FHIT: variants seen among roughly 807,000 people sequenced by gnomAD.
FHIT encodes the protein fragile histidine triad diadenosine triphosphatase.
Under a neutral mutation model 17.9 loss-of-function variants are expected in FHIT, and 19 were observed. The observed-to-expected ratio is 1.06, with a 90% CI of 0.74 to 1.56. FHIT has a LOEUF of 1.56. Ranked by LOEUF, FHIT falls within the 40% of genes most tolerant of loss-of-function variation. The pLI is 0.00. For synonymous variants in FHIT, 81 were observed against 69.7 expected (o/e 1.16, Z -0.81); for missense variants, 248 against 189.2 (o/e 1.31, Z -1.82).
At chr3:60,465,091 T>G (rs955122772) in intron 5 of FHIT, among the ~76,000 whole-genome samples, 2 of 151,992 alleles carry the variant, frequency 1.3e-5, no homozygotes, top group African/African-American at 4.8e-5. Context: ...ACTGGGATAT[T>G]ACTGTAGTTT....
intron 5 of FHIT, among the ~76,000 whole-genome samples, chr3:60,506,776 G>C (rs1300718341): frequency 6.6e-6 from 1 of 151,436 alleles, no homozygotes; most frequent in Admixed American, 6.6e-5. Flanking sequence ...CAATGGAGCA[G>C]ACCCAAAGCC....
At chr3:61,233,753 G>A (rs2040162477) in intron 1 of FHIT, among the ~76,000 whole-genome samples, 1 of 152,136 alleles carries the variant, frequency 6.6e-6, no homozygotes, top group African/African-American at 2.4e-5. Context: ...GATCAAGAAT[G>A]TGTCTCATTC....
chr3:60,425,910 A>T (rs1032789349), intron 5 of FHIT, among the ~76,000 whole-genome samples: 2 of 152,142 alleles, frequency 1.3e-5, no homozygotes, highest in African/African-American at 2.4e-5. Context: ...AGTGTTATGG[A>T]AATATGTCCT....
chr3:60,717,947 T>A (rs2041724679), intron 4 of FHIT, among the ~76,000 whole-genome samples: 1 of 152,134 alleles, frequency 6.6e-6, no homozygotes, highest in South Asian at 2.1e-4. Context: ...TTGGACAGAG[T>A]CTATTCAACA....
intron 3 of FHIT, among the ~76,000 whole-genome samples, chr3:61,037,380 T>A (rs2033309513): frequency 6.6e-6 from 1 of 152,064 alleles, no homozygotes; most frequent in Non-Finnish European, 1.5e-5. Context: ...GCAAGAAAAA[T>A]AATAGTGTTT....
At chr3:60,692,684 G>C (rs2041020501) in intron 4 of FHIT, among the ~76,000 whole-genome samples, 1 of 152,112 alleles carries the variant, frequency 6.6e-6, no homozygotes, top group Non-Finnish European at 1.5e-5. Context: ...TCAAACTTCT[G>C]ACCTCCCAAA....
intron 4 of FHIT, chr3:60,732,475 G>T: frequency 2.8e-6 from 2 of 703,754 alleles, no homozygotes; most frequent in Admixed American, 3.5e-5. Flanking sequence ...TAATAATTCT[G>T]TGAAAGCAGG....
chr3:59,994,526 T>C (rs1258799015), intron 7 of FHIT, among the ~76,000 whole-genome samples: 1 of 152,134 alleles, frequency 6.6e-6, no homozygotes, highest in Non-Finnish European at 1.5e-5. Context: ...GCAGCTCTGG[T>C]AATGCAACAC....
chr3:60,568,625 A>G (rs962425974), intron 4 of FHIT, among the ~76,000 whole-genome samples: 61 of 151,892 alleles, frequency 4.0e-4, no homozygotes, highest in African/African-American at 1.4e-3. Flanking sequence ...AAAAAAAAAG[A>G]AAAGAAAACT....
At position 60,564,330 on chromosome 3, in the gene FHIT, T is replaced by C. The variant is rs192260071; in HGVS notation, c.-17-27351A>G. ...GTACCTGGTCACCCAAGGGCTCTGA[T>C]AGAGATGTACAAGGAGATGAATGTT... On this transcript the variant is annotated intron_variant, in intron 4 of 9. Coordinates refer to ENST00000492590, the MANE Select transcript of FHIT (RefSeq NM_002012.4). 1.6e-4 allele frequency among the ~76,000 whole-genome samples: 25 copies of C among 152,306 alleles called. 1 individual carries two copies. The highest frequency in any genetic ancestry group is 1.4e-3 in the Admixed American group (21 of 15,282).
chr3:60,403,000 G>GATACCA (rs1701721312), intron 5 of FHIT, among the ~76,000 whole-genome samples: 1 of 152,132 alleles, frequency 6.6e-6, no homozygotes, highest in Non-Finnish European at 1.5e-5. Context: ...ATTTCACAGA[G>GATACCA]ATACCAATAG....
intron 6 of FHIT, among the ~76,000 whole-genome samples, chr3:60,012,260 T>G (rs866946577): frequency 3.6e-5 from 5 of 139,822 alleles, no homozygotes; most frequent in Admixed American, 7.3e-5. Flanking sequence ...AGGTGTTTTT[T>G]TTGTTGTTTT....
At chr3:60,370,338 G>A (rs1022068955) in intron 5 of FHIT, among the ~76,000 whole-genome samples, 2 of 152,146 alleles carry the variant, frequency 1.3e-5, no homozygotes, top group African/African-American at 4.8e-5. Context: ...AGCTATCTTA[G>A]AAATTAACTG....
At chr3:60,976,171 A>G (rs1438422153) in intron 3 of FHIT, among the ~76,000 whole-genome samples, 1 of 118,754 alleles carries the variant, frequency 8.4e-6, no homozygotes, top group Admixed American at 1.2e-4. Flanking sequence ...CAGTGGTGGG[A>G]TCTTGGCTCA....
At chr3:60,571,154 C>T (rs191148005) in intron 4 of FHIT, among the ~76,000 whole-genome samples, 17 of 151,634 alleles carry the variant, frequency 1.1e-4, no homozygotes, top group Non-Finnish European at 2.4e-4. Flanking sequence ...ACGGTGACAT[C>T]CCATCTCCCC....
intron 5 of FHIT, among the ~76,000 whole-genome samples, chr3:60,506,547 G>T (rs1258880045): frequency 6.6e-6 from 1 of 152,116 alleles, no homozygotes; most frequent in African/African-American, 2.4e-5. Flanking sequence ...CTACATCGTG[G>T]GAGGAGTATA....
chr3:60,565,891 G>A (rs889290491), intron 4 of FHIT, among the ~76,000 whole-genome samples: 9 of 151,960 alleles, frequency 5.9e-5, no homozygotes, highest in Admixed American at 3.3e-4. Context: ...TTCTCTTATG[G>A]GCATTTAGTG....
chr3:60,665,657 C>G (rs1262823819), intron 4 of FHIT, among the ~76,000 whole-genome samples: 3 of 151,990 alleles, frequency 2.0e-5, no homozygotes, highest in Non-Finnish European at 4.4e-5. Context: ...TTCAACTTAA[C>G]TAATCATAGA....
At chr3:60,147,376 G>A (rs1026678214) in intron 5 of FHIT, among the ~76,000 whole-genome samples, 6 of 152,168 alleles carry the variant, frequency 3.9e-5, no homozygotes, top group Non-Finnish European at 2.9e-5. Flanking sequence ...AGGAGAGACT[G>A]CAGCAGCTCT....
Sources: allele counts gnomAD v4.1 joint callset (sites outside exome capture counted in the v4.1 genomes callset), GRCh38; gene constraint gnomAD v4.1.1; transcripts MANE v1.5; gene names NCBI Gene and HGNC (gene_info 2026-07-23, HGNC 2026-07-21).